The following GALK2 variants were observed in gnomAD, a reference collection of about 807,000 sequenced individuals.
GALK2 encodes galactokinase 2.
Under a neutral mutation model 52.4 loss-of-function variants are expected in GALK2, and 36 were observed. The ratio of observed to expected loss-of-function variants is 0.69; its 90% CI spans 0.53 to 0.91. The LOEUF is 0.91. Ranked by LOEUF, GALK2 falls within the 40% of genes least tolerant of loss-of-function variation. GALK2 has a pLI of 0.00. For synonymous variants in GALK2, 176 were observed against 199.1 expected, an observed-to-expected ratio of 0.88 and a Z score of 0.98; for missense variants, 579 against 559.1, an observed-to-expected ratio of 1.04 and a Z score of -0.36.
chr15:49,360,466 T>A (rs561866980), intron 3 of GALK2, among the ~76,000 whole-genome samples: 3 of 152,340 alleles, frequency 2.0e-5, no homozygotes, highest in African/African-American at 2.4e-5. Flanking sequence ...TTCAATTTTT[T>A]AAATAATTTG....
chr15:49,175,010 A>G (rs898029323), intron 1 of GALK2, among the ~76,000 whole-genome samples: 3 of 152,144 alleles, frequency 2.0e-5, no homozygotes, highest in Non-Finnish European at 2.9e-5. Context: ...GGCCCCACAG[A>G]GTCTGTCTTA....
At chr15:49,296,965 G>A (rs1042495527) in intron 8 of GALK2, among the ~76,000 whole-genome samples, 1 of 152,202 alleles carries the variant, frequency 6.6e-6, no homozygotes, top group Non-Finnish European at 1.5e-5. Flanking sequence ...GGATTGCTGA[G>A]TTGAATGGTA....
chr15:49,290,187 C>T (rs1427899947), intron 7 of GALK2, among the ~76,000 whole-genome samples: 2 of 152,150 alleles, frequency 1.3e-5, no homozygotes, highest in Non-Finnish European at 1.5e-5. Flanking sequence ...TCTTATCCAC[C>T]CATTTCCTTC....
At chr15:49,179,824 G>A (rs186174054) in intron 1 of GALK2, among the ~76,000 whole-genome samples, 1 of 152,050 alleles carries the variant, frequency 6.6e-6, no homozygotes, top group Middle Eastern at 3.4e-3. Flanking sequence ...CATACTTTCA[G>A]TGACTGCATT....
chr15:49,278,479 A>G (rs1480487770), intron 5 of GALK2, among the ~76,000 whole-genome samples: 1 of 152,228 alleles, frequency 6.6e-6, no homozygotes, highest in Non-Finnish European at 1.5e-5. Flanking sequence ...TGTAAATCAG[A>G]TGATTCCTTA....
intron 3 of GALK2, among the ~76,000 whole-genome samples, chr15:49,360,751 A>T (rs989732426): frequency 6.6e-6 from 1 of 152,194 alleles, no homozygotes; most frequent in Non-Finnish European, 1.5e-5. Flanking sequence ...ATCATCCAAA[A>T]ATTATATTTA....
At chr15:49,230,977 A>G (rs2090469745) in intron 3 of GALK2, among the ~76,000 whole-genome samples, 1 of 152,108 alleles carries the variant, frequency 6.6e-6, no homozygotes, top group African/African-American at 2.4e-5. Context: ...AAGAGCAAAG[A>G]TCAATAACTA....
chr15:49,316,945 C>G (rs555904081), intron 8 of GALK2, among the ~76,000 whole-genome samples: 27 of 152,228 alleles, frequency 1.8e-4, no homozygotes, highest in African/African-American at 6.5e-4. Context: ...CTGGTGTAGT[C>G]TATACAGGTC....
At chr15:49,226,589 A>T (rs1392844372) in intron 3 of GALK2, 1 of 151,422 alleles carries the variant, frequency 6.6e-6, no homozygotes, top group East Asian at 1.9e-4. Context: ...ATTTACTTCT[A>T]TTCTGATCTT....
chr15:49,319,082 C>T (rs145004957), intron 8 of GALK2: 44 of 388,350 alleles, frequency 1.1e-4, no homozygotes, highest in Non-Finnish European at 2.0e-4. Flanking sequence ...TCTCAAATAG[C>T]TGGGATTACA....
chr15:49,233,430 T>TC (rs1335298116), intron 3 of GALK2, among the ~76,000 whole-genome samples: 15 of 152,246 alleles, frequency 9.9e-5, no homozygotes, highest in African/African-American at 3.6e-4. Flanking sequence ...GGGATGCAAA[T>TC]CCAAATTATA....
intron 3 of GALK2, among the ~76,000 whole-genome samples, chr15:49,217,880 A>G (rs896234926): frequency 2.0e-5 from 3 of 152,222 alleles, no homozygotes; most frequent in African/African-American, 7.2e-5. Context: ...TTAGTTTGCT[A>G]AGATTAAAAA....
At chr15:49,284,191 C>T (rs1342535110) in intron 7 of GALK2, among the ~76,000 whole-genome samples, 1 of 152,186 alleles carries the variant, frequency 6.6e-6, no homozygotes, top group Non-Finnish European at 1.5e-5. Context: ...TAGGGAAACA[C>T]AAACCAGCAG....
chr15:49,366,557 A>T (rs2045225470), intron 3 of GALK2: 1 of 1,592,122 alleles, frequency 6.3e-7, no homozygotes, highest in African/African-American at 1.3e-5. Flanking sequence ...GTTATAAAGC[A>T]TGCAGTAGTC....
At chr15:49,305,410 A>C (rs2035468744) in intron 8 of GALK2, among the ~76,000 whole-genome samples, 1 of 152,196 alleles carries the variant, frequency 6.6e-6, no homozygotes, top group South Asian at 2.1e-4. Context: ...TGTTTGAGGA[A>C]GATGGTTTCT....
At chr15:49,232,509 G>A (rs901262500) in intron 3 of GALK2, among the ~76,000 whole-genome samples, 1 of 152,190 alleles carries the variant, frequency 6.6e-6, no homozygotes, top group Non-Finnish European at 1.5e-5. Context: ...GCAAATTTCT[G>A]TAGCTGGCTT....
intron 5 of GALK2, among the ~76,000 whole-genome samples, chr15:49,245,361 T>C (rs1418898750): frequency 6.6e-6 from 1 of 152,214 alleles, no homozygotes; most frequent in Non-Finnish European, 1.5e-5. Flanking sequence ...GTTGTTGTTA[T>C]AAGCCTTTTA....
At chr15:49,212,103 T>C (rs770092371) in intron 2 of GALK2, among the ~76,000 whole-genome samples, 12 of 152,214 alleles carry the variant, frequency 7.9e-5, no homozygotes, top group Non-Finnish European at 1.3e-4. Flanking sequence ...ACTTTTTCTT[T>C]TTTGTTTGAA....
chr15:49,305,885 A>G (rs190168194), intron 8 of GALK2, among the ~76,000 whole-genome samples: 2 of 152,328 alleles, frequency 1.3e-5, no homozygotes, highest in Admixed American at 1.3e-4. Context: ...AGAACTACAT[A>G]AGCACATTTG....
Sources: gnomAD v4.1 joint callset for allele counts (sites outside exome capture counted in the v4.1 genomes callset) on GRCh38, gnomAD v4.1.1 for gene constraint, MANE v1.5 for transcripts, NCBI Gene and HGNC (gene_info 2026-07-23, HGNC 2026-07-21) for gene names.